The following NALCN variants were observed in gnomAD, a reference collection of about 807,000 sequenced individuals.
The protein encoded by NALCN is sodium leak channel, non-selective.
NALCN carries 111 observed loss-of-function variants against 225.3 expected under a neutral mutation model. That is an observed-to-expected ratio of 0.49 (90% confidence interval 0.42 to 0.58). The LOEUF (loss-of-function observed/expected upper bound fraction) is 0.58, where lower values mean the gene tolerates loss of function less well. NALCN is among the 20% of genes least tolerant of loss of function. The probability of loss-of-function intolerance (pLI) is 0.00; values close to 1 mark genes in which losing one functional copy is unlikely to be tolerated. For missense variants in NALCN, 1,378 were observed against 2,202.4 expected, an observed-to-expected ratio of 0.63 and a Z score of 7.49; for synonymous variants, 764 against 769.0, an observed-to-expected ratio of 0.99 and a Z score of 0.11.
chr13:101,387,828 C>G (rs899273627), intron 3 of NALCN, among the ~76,000 whole-genome samples: 5 of 152,074 alleles, frequency 3.3e-5, no homozygotes, highest in Non-Finnish European at 7.4e-5. Context: ...ACAATATGTA[C>G]AAATTTCTCA....
chr13:101,281,050 T>G (rs1174722794), intron 10 of NALCN, among the ~76,000 whole-genome samples: 1 of 152,048 alleles, frequency 6.6e-6, no homozygotes, highest in African/African-American at 2.4e-5. Context: ...CTGGGTAATA[T>G]TTGGATTTTT....
At chr13:101,061,025 ATC>A (rs1429729232) in intron 41 of NALCN, among the ~76,000 whole-genome samples, 3 of 152,178 alleles carry the variant, frequency 2.0e-5, no homozygotes. Flanking sequence ...GATTGAAACA[ATC>A]TCTGTTATAT....
chr13:101,192,119 A>C, intron 13 of NALCN, 65 bp from the exon 14 acceptor site: 2 of 1,535,446 alleles, frequency 1.3e-6, no homozygotes, highest in Non-Finnish European at 1.7e-6. Flanking sequence ...TCAAATTAGC[A>C]TGTGATGTTT....
intron 6 of NALCN, among the ~76,000 whole-genome samples, chr13:101,374,624 C>A (rs181095192): frequency 1.3e-5 from 2 of 152,118 alleles, no homozygotes; most frequent in East Asian, 1.9e-4. Flanking sequence ...GAGATGCATG[C>A]CTTCTAAATA....
At chr13:101,360,100 TTC>T (rs779595989) in intron 6 of NALCN, among the ~76,000 whole-genome samples, 24 of 146,124 alleles carry the variant, frequency 1.6e-4, no homozygotes, top group Admixed American at 5.0e-4. Context: ...TTTCTTTTCT[TTC>T]TCTTTCTCTT....
intron 11 of NALCN, among the ~76,000 whole-genome samples, chr13:101,246,166 C>A (rs1166384611): frequency 6.6e-6 from 1 of 152,146 alleles, no homozygotes; most frequent in African/African-American, 2.4e-5. Context: ...GGACAACTTG[C>A]AGTCGAGACC....
At chr13:101,148,059 G>A (rs984101058) in intron 15 of NALCN, among the ~76,000 whole-genome samples, 3 of 151,992 alleles carry the variant, frequency 2.0e-5, no homozygotes, top group Non-Finnish European at 2.9e-5. Context: ...TGTTTGTGTG[G>A]CTCAAAGCAG....
At chr13:101,055,538 T>C in intron 43 of NALCN, 50 bp from the exon 44 acceptor site, 1 of 1,520,632 alleles carries the variant, frequency 6.6e-7, no homozygotes, top group South Asian at 1.2e-5. Context: ...TTCACCCTAT[T>C]GTAATCACTC....
chr13:101,360,638 C>T (rs2046225964), intron 6 of NALCN, among the ~76,000 whole-genome samples: 5 of 152,122 alleles, frequency 3.3e-5, no homozygotes. Context: ...GTGCCAATGC[C>T]CCTGACGACT....
intron 7 of NALCN, among the ~76,000 whole-genome samples, chr13:101,300,367 T>C (rs560750): frequency 0.056 from 5,661 of 101,540 alleles, 292 homozygotes; most frequent in East Asian, 0.21. Context: ...TCTTTCTTTC[T>C]TTCCTTCCTT....
intron 6 of NALCN, among the ~76,000 whole-genome samples, chr13:101,364,025 G>C (rs2046318449): frequency 6.6e-6 from 1 of 151,992 alleles, no homozygotes; most frequent in South Asian, 2.1e-4. Context: ...AAAAGCTACA[G>C]TGAAATATCA....
intron 13 of NALCN, among the ~76,000 whole-genome samples, chr13:101,197,361 A>C (rs1008603762): frequency 6.6e-6 from 1 of 151,768 alleles, no homozygotes; most frequent in Non-Finnish European, 1.5e-5. Flanking sequence ...CCTAGCTGCT[A>C]TTCGGAGAAA....
At position 101,106,792 on chromosome 13, in the gene NALCN, A is replaced by G. The variant is rs113732191; in HGVS notation, c.2579+695T>C. ...CTTCCCCAGCCACTTGGAACTGTGAATCCAATAAATCTCTTTTTCTTTATA... is the reference window on the plus strand; with the variant it reads ...CTTCCCCAGCCACTTGGAACTGTGAGTCCAATAAATCTCTTTTTCTTTATA... On this transcript the variant is annotated intron_variant, in intron 22 of 43. Coordinates refer to ENST00000251127, the MANE Select transcript of NALCN (RefSeq NM_052867.4). Among the ~76,000 whole-genome samples, 749 of 152,320 alleles carry G rather than the reference A, an allele frequency of 4.9e-3. 3 individuals are homozygous for G. Among genetic ancestry groups the G allele is most frequent in the African/African-American group, 0.017 (705 of 41,580 alleles).
chr13:101,190,542 C>G (rs1037928490), intron 14 of NALCN, among the ~76,000 whole-genome samples: 3 of 152,168 alleles, frequency 2.0e-5, no homozygotes, highest in African/African-American at 7.2e-5. Context: ...TCCTATCTTT[C>G]GCGTAACTTT....
chr13:101,396,123 G>T (rs1051324946), intron 2 of NALCN, among the ~76,000 whole-genome samples: 3 of 152,064 alleles, frequency 2.0e-5, no homozygotes, highest in East Asian at 1.9e-4. Flanking sequence ...AACACTACAG[G>T]CATGTCTGCT....
intron 17 of NALCN, among the ~76,000 whole-genome samples, chr13:101,129,045 G>A (rs887863407): frequency 1.3e-5 from 2 of 152,184 alleles, no homozygotes; most frequent in South Asian, 4.1e-4. Context: ...CAGAGTGTGT[G>A]TGTTTCTTTT....
intron 42 of NALCN, among the ~76,000 whole-genome samples, chr13:101,059,462 G>A (rs1450278289): frequency 1.3e-5 from 2 of 152,138 alleles, no homozygotes; most frequent in African/African-American, 4.8e-5. Context: ...AGAGCTTCCT[G>A]TAAACCATAC....
intron 7 of NALCN, among the ~76,000 whole-genome samples, chr13:101,344,303 T>C (rs79323690): frequency 0.02 from 3,078 of 152,234 alleles, 111 homozygotes; most frequent in African/African-American, 0.07. Context: ...TAGGAGACAA[T>C]ATTACTGGTC....
At chr13:101,180,979 C>A in intron 14 of NALCN, 1 of 443,694 alleles carries the variant, frequency 2.3e-6, no homozygotes, top group Non-Finnish European at 4.5e-6. Context: ...AGAAGGAGGA[C>A]CAGAAATGAA....
Sources: gnomAD v4.1 joint callset for allele counts (sites outside exome capture counted in the v4.1 genomes callset) on GRCh38, gnomAD v4.1.1 for gene constraint, MANE v1.5 for transcripts, NCBI Gene and HGNC (gene_info 2026-07-23, HGNC 2026-07-21) for gene names.